Variants in TPD52 observed in about 807,000 individuals in gnomAD.
TPD52 encodes the protein tumor protein D52, also known as prostate and colon associated protein.
Under a neutral mutation model 31.3 loss-of-function variants are expected in TPD52, and 17 were observed. The observed-to-expected ratio is 0.54, with a 90% CI of 0.37 to 0.82. The LOEUF (loss-of-function observed/expected upper bound fraction) is 0.82. TPD52 is among the 40% of genes least tolerant of loss of function. The probability of loss-of-function intolerance (pLI) is 0.00; values close to 1 mark genes in which losing one functional copy is unlikely to be tolerated. For missense variants in TPD52, 212 were observed against 240.1 expected (o/e 0.88, Z 0.77); for synonymous variants, 83 against 89.6 (o/e 0.93, Z 0.42).
intron 1 of TPD52, among the ~76,000 whole-genome samples, chr8:80,077,766 A>G (rs1383850561): frequency 4.6e-5 from 7 of 152,220 alleles, no homozygotes; most frequent in African/African-American, 1.4e-4. Context: ...TGCATTCCAC[A>G]AAGTTTTTGA....
chr8:80,140,215 G>A (rs1437628858), intron 1 of TPD52, among the ~76,000 whole-genome samples: 1 of 152,200 alleles, frequency 6.6e-6, no homozygotes, highest in Non-Finnish European at 1.5e-5. Flanking sequence ...CCACAAGTGA[G>A]TAGTGGAGCC....
chr8:80,165,227 A>G (rs977470476), intron 1 of TPD52, among the ~76,000 whole-genome samples: 1 of 152,236 alleles, frequency 6.6e-6, no homozygotes, highest in Admixed American at 6.5e-5. Flanking sequence ...TCCTGGCCAC[A>G]TGGCAAGGGA....
intron 5 of TPD52, 65 bp downstream of exon 5, chr8:80,050,380 T>C: frequency 6.7e-7 from 1 of 1,497,180 alleles, no homozygotes; most frequent in Non-Finnish European, 9.1e-7. Flanking sequence ...AGCATGGTAA[T>C]CTAATCTCAG....
intron 1 of TPD52, among the ~76,000 whole-genome samples, chr8:80,148,962 A>T (rs541605855): frequency 6.6e-6 from 1 of 152,312 alleles, no homozygotes; most frequent in Admixed American, 6.5e-5. Context: ...AACAAGGCCA[A>T]ATTTTTAGCT....
chr8:80,065,368 G>A (rs1813027298), intron 1 of TPD52, among the ~76,000 whole-genome samples: 1 of 151,298 alleles, frequency 6.6e-6, no homozygotes, highest in South Asian at 2.1e-4. Flanking sequence ...TCAGAGACAT[G>A]ACCAACAGCC....
At chr8:80,166,480 C>T (rs559123347) in intron 1 of TPD52, among the ~76,000 whole-genome samples, 2 of 151,832 alleles carry the variant, frequency 1.3e-5, no homozygotes, top group East Asian at 4.1e-4. Flanking sequence ...GATCCGCCCG[C>T]CTTGGCCTCC....
intron 2 of TPD52, among the ~76,000 whole-genome samples, chr8:80,060,840 A>G (rs1812441970): frequency 6.6e-6 from 1 of 151,940 alleles, no homozygotes; most frequent in Non-Finnish European, 1.5e-5. Flanking sequence ...ATTTGTGAAA[A>G]AAATGACAGC....
chr8:80,156,247 C>T (rs945729693), intron 1 of TPD52, among the ~76,000 whole-genome samples: 3 of 152,132 alleles, frequency 2.0e-5, no homozygotes, highest in African/African-American at 4.8e-5. Flanking sequence ...GTCTGCCTGG[C>T]CTCCAGCATG....
chr8:80,038,153 G>A lies in TPD52; in HGVS notation c.587C>T (p.Thr196Met), dbSNP rs373612910. 15 of 1,613,950 alleles carry A rather than the reference G, an allele frequency of 9.3e-6. No individual in the cohort carries two copies. Among genetic ancestry groups the A allele is most frequent in the African/African-American group, 8.0e-5 (6 of 74,910 alleles). ...NSAANASATTTEPLPEKTQES... is the reference protein window; with the variant it reads ...NSAANASATTMEPLPEKTQES... Reference sequence around the variant, plus strand: ...CTGTGTCTTTTCTGGAAGAGGCTCCGTGGTGGTGGCACTAGCATTTGCAGC... The same window carrying A: ...CTGTGTCTTTTCTGGAAGAGGCTCCATGGTGGTGGCACTAGCATTTGCAGC... The change falls in exon 8 of 8, where the codon ACG becomes ATG. Residue 196 changes from threonine to methionine, a missense_variant. Coordinates refer to ENST00000518937, the MANE Select transcript of TPD52 (RefSeq NM_001025253.3).
intron 1 of TPD52, among the ~76,000 whole-genome samples, chr8:80,072,738 T>TATATACATATATAC (rs1563598912): frequency 2.8e-5 from 4 of 143,124 alleles, no homozygotes; most frequent in African/African-American, 1.2e-4. Context: ...TACATATATA[T>TATATACATATATAC]ACACACACAT....
chr8:80,069,923 T>C (rs1222232445), intron 1 of TPD52, among the ~76,000 whole-genome samples: 2 of 152,222 alleles, frequency 1.3e-5, no homozygotes, highest in African/African-American at 2.4e-5. Flanking sequence ...TCTCTAGTTC[T>C]AGACTATAAA....
At chr8:80,078,158 T>A (rs994772775) in intron 1 of TPD52, among the ~76,000 whole-genome samples, 2 of 152,224 alleles carry the variant, frequency 1.3e-5, no homozygotes, top group Non-Finnish European at 2.9e-5. Context: ...ACTGTCCTCA[T>A]CCTAACCTTC....
intron 1 of TPD52, among the ~76,000 whole-genome samples, chr8:80,132,848 C>G (rs1403598674): frequency 6.6e-6 from 1 of 152,144 alleles, no homozygotes; most frequent in Non-Finnish European, 1.5e-5. Flanking sequence ...CACTGTACCA[C>G]ATGAGGACGT....
intron 7 of TPD52, among the ~76,000 whole-genome samples, chr8:80,041,050 T>C (rs1473053915): frequency 6.6e-6 from 1 of 152,120 alleles, no homozygotes; most frequent in Non-Finnish European, 1.5e-5. Context: ...AAAACATTCA[T>C]ATGTCTGCAT....
chr8:80,065,725 C>T (rs1813066371), intron 1 of TPD52, among the ~76,000 whole-genome samples: 1 of 152,036 alleles, frequency 6.6e-6, no homozygotes, highest in African/African-American at 2.4e-5. Flanking sequence ...AATGGCTCTG[C>T]ATGAACAGCA....
intron 1 of TPD52, chr8:80,119,954 G>T: frequency 3.5e-6 from 1 of 288,928 alleles, no homozygotes; most frequent in East Asian, 1.1e-4. Flanking sequence ...TTAATAATTT[G>T]GGTACTGATG....
chr8:80,087,826 A>AT (rs1815935069), intron 1 of TPD52, among the ~76,000 whole-genome samples: 1 of 152,168 alleles, frequency 6.6e-6, no homozygotes, highest in Non-Finnish European at 1.5e-5. Context: ...TGAGAGGTTA[A>AT]TGAACACCCC....
chr8:80,077,787 G>T (rs1814763837), intron 1 of TPD52, among the ~76,000 whole-genome samples: 1 of 152,194 alleles, frequency 6.6e-6, no homozygotes, highest in Non-Finnish European at 1.5e-5. Context: ...GCCATATAAT[G>T]TCAAGCACTA....
chr8:80,143,551 C>T (rs571042382), intron 1 of TPD52, among the ~76,000 whole-genome samples: 2 of 152,200 alleles, frequency 1.3e-5, no homozygotes, highest in South Asian at 2.1e-4. Flanking sequence ...CTTACTGTAG[C>T]TAACTCATAT....
Sources: allele counts gnomAD v4.1 joint callset (sites outside exome capture counted in the v4.1 genomes callset), GRCh38; gene constraint gnomAD v4.1.1; transcripts MANE v1.5; gene names NCBI Gene and HGNC (gene_info 2026-07-23, HGNC 2026-07-21).